DPP6: variants seen among roughly 807,000 people sequenced by gnomAD.
DPP6 encodes dipeptidyl peptidase like 6.
A neutral mutation model predicts 122.6 loss-of-function variants in DPP6; 69 were observed. That is an observed-to-expected ratio of 0.56 (90% CI 0.46 to 0.69). The LOEUF is 0.69. Ranked by LOEUF, DPP6 falls within the 30% of genes least tolerant of loss-of-function variation. DPP6 has a pLI of 0.00. For synonymous variants in DPP6, 418 were observed against 433.1 expected, an observed-to-expected ratio of 0.97 and a Z score of 0.43; for missense variants, 928 against 1,116.9, an observed-to-expected ratio of 0.83 and a Z score of 2.41.
the DPP6 span, among the ~76,000 whole-genome samples, chr7:153,752,193 C>A: frequency 1.3e-5 from 2 of 151,976 alleles, no homozygotes; most frequent in Admixed American, 1.3e-4. Flanking sequence ...GGCAACTTCA[C>A]TTTAAAACCC....
At chr7:154,219,219 T>C (rs566668665) in intron 1 of DPP6, among the ~76,000 whole-genome samples, 3 of 152,340 alleles carry the variant, frequency 2.0e-5, no homozygotes, top group African/African-American at 7.2e-5. Context: ...GACAATGAAG[T>C]CATTTGCTCA....
At chr7:153,815,357 T>C in the DPP6 span, among the ~76,000 whole-genome samples, 1 of 152,002 alleles carries the variant, frequency 6.6e-6, no homozygotes, top group Non-Finnish European at 1.5e-5. Flanking sequence ...TCAGAGTGCC[T>C]GGTGAGGAAA....
rs951737882 is a variant in DPP6 at position 154,650,759 on chromosome 7, T to C, written c.680+12886T>C. 3.8e-4 allele frequency among the ~76,000 whole-genome samples: 58 copies of C among 152,064 alleles called. 1 individual carries two copies. The highest frequency in any genetic ancestry group is 3.5e-3 in the Admixed American group (53 of 15,274). The stretch of plus-strand genomic sequence containing the variant: ...CGGGTTAAAAAGAAACCAGATAAAA[T>C]TCGTGTTTCTGCTTGTCCAGACTAG... On this transcript the variant is annotated intron_variant, in intron 6 of 25. Transcript: ENST00000377770.
intron 5 of DPP6, among the ~76,000 whole-genome samples, chr7:154,610,282 G>A (rs1166377848): frequency 5.3e-5 from 8 of 152,110 alleles, no homozygotes; most frequent in Admixed American, 4.6e-4. Flanking sequence ...GGTTCCAAAT[G>A]GCTTCACTTG....
At chr7:154,866,956 C>A (rs1339598520) in intron 17 of DPP6, among the ~76,000 whole-genome samples, 2 of 151,386 alleles carry the variant, frequency 1.3e-5, no homozygotes, top group Admixed American at 6.6e-5. Flanking sequence ...TCCAGCTGCC[C>A]CGGAGAAGCG....
intron 8 of DPP6, among the ~76,000 whole-genome samples, chr7:154,762,322 G>T (rs1480581779): frequency 2.0e-5 from 3 of 152,180 alleles, no homozygotes; most frequent in African/African-American, 7.2e-5. Context: ...TAGCACTGAG[G>T]CTAGTTTTGG....
chr7:154,647,981 T>A (rs1469425457), intron 6 of DPP6, among the ~76,000 whole-genome samples: 1 of 151,846 alleles, frequency 6.6e-6, no homozygotes, highest in Non-Finnish European at 1.5e-5. Context: ...CCGGGCACAG[T>A]GGCTCACGCG....
chr7:154,587,531 A>C, intron 5 of DPP6: 1 of 1,073,416 alleles, frequency 9.3e-7, no homozygotes, highest in Middle Eastern at 2.1e-4. Context: ...CAATGTGAAC[A>C]TTGCCCATTG....
intron 3 of DPP6, among the ~76,000 whole-genome samples, chr7:154,499,318 C>T (rs549152299): frequency 6.6e-6 from 1 of 152,292 alleles, no homozygotes; most frequent in South Asian, 2.1e-4. Context: ...CATTCTAGCA[C>T]TGCCCCCCTG....
At chr7:154,816,501 G>T (rs986144659) in intron 16 of DPP6, among the ~76,000 whole-genome samples, 1 of 152,158 alleles carries the variant, frequency 6.6e-6, no homozygotes, top group Admixed American at 6.5e-5. Flanking sequence ...TGGATATGGG[G>T]CACCACTGTA....
chr7:154,662,425 T>C (rs62475184), intron 6 of DPP6, among the ~76,000 whole-genome samples: 64,664 of 88,740 alleles, frequency 0.73, 26,145 homozygotes, highest in South Asian at 0.87. Context: ...GCGTATCGGC[T>C]GTAGTGTTCA....
chr7:153,805,449 C>T, the DPP6 span, among the ~76,000 whole-genome samples: 4 of 152,154 alleles, frequency 2.6e-5, no homozygotes, highest in East Asian at 1.9e-4. Context: ...AGAGTGGCAA[C>T]GTTTGTTTAA....
At chr7:154,387,550 C>T (rs753148895) in intron 1 of DPP6, among the ~76,000 whole-genome samples, 2 of 152,206 alleles carry the variant, frequency 1.3e-5, no homozygotes, top group Non-Finnish European at 2.9e-5. Flanking sequence ...TCATGTGATC[C>T]ACCCAGACTC....
chr7:154,512,020 A>G (rs1300203340), intron 3 of DPP6, among the ~76,000 whole-genome samples: 1 of 152,216 alleles, frequency 6.6e-6, no homozygotes, highest in Non-Finnish European at 1.5e-5. Flanking sequence ...CTTACATAAA[A>G]TTGGTCTAGT....
At chr7:154,198,520 G>A (rs185294433) in intron 1 of DPP6, among the ~76,000 whole-genome samples, 41 of 152,072 alleles carry the variant, frequency 2.7e-4, no homozygotes, top group Admixed American at 1.2e-3. Flanking sequence ...CACCATGTTG[G>A]CCAGGCTGGT....
the DPP6 span, among the ~76,000 whole-genome samples, chr7:153,830,883 A>G: frequency 6.6e-6 from 1 of 152,246 alleles, no homozygotes; most frequent in Non-Finnish European, 1.5e-5. Context: ...CCAATGAAAT[A>G]ACGGATTGAT....
At chr7:154,627,258 C>T (rs1194887418) in intron 5 of DPP6, among the ~76,000 whole-genome samples, 6 of 143,004 alleles carry the variant, frequency 4.2e-5, no homozygotes, top group East Asian at 4.1e-4. Flanking sequence ...TGCAGTGGCG[C>T]GATCTCGGCT....
In DPP6 at chr7:154,892,844, A is replaced by G. The variant is rs769496957; in HGVS notation, c.*364A>G. On this transcript the variant is annotated 3_prime_UTR_variant, in exon 26 of 26. Coordinates refer to ENST00000377770, the MANE Select transcript of DPP6 (RefSeq NM_130797.4). The stretch of plus-strand genomic sequence containing the variant: ...TAGATTCCAGCCACCAAGCGGAAGC[A>G]TGAGACCCGCCCACACTAGCCTCTG... The G allele has an allele frequency of 1.3e-5, 7 of 544,008 alleles. No homozygotes were observed. In the East Asian group the frequency reaches 2.9e-4, roughly 23 times the overall value. The allele number at this position is 544,008 out of a possible 1,614,324, so 33.7% of individuals were successfully genotyped here.
intron 5 of DPP6, among the ~76,000 whole-genome samples, chr7:154,627,257 G>A (rs11979873): frequency 0.015 from 2,125 of 144,276 alleles, 54 homozygotes; most frequent in African/African-American, 0.052. Context: ...GTGCAGTGGC[G>A]CGATCTCGGC....
Sources: allele counts gnomAD v4.1 joint callset (sites outside exome capture counted in the v4.1 genomes callset), GRCh38; gene constraint gnomAD v4.1.1; transcripts MANE v1.5; gene names NCBI Gene and HGNC (gene_info 2026-07-23, HGNC 2026-07-21).